RBM7: variants seen among roughly 807,000 people sequenced by gnomAD.
The protein encoded by RBM7 is RNA binding motif protein 7.
A neutral mutation model predicts 31.0 loss-of-function variants in RBM7; 13 were observed. The observed-to-expected ratio is 0.42, with a 90% CI of 0.27 to 0.67. RBM7 has a LOEUF of 0.67. Ranked by LOEUF, RBM7 falls within the 30% of genes least tolerant of loss-of-function variation. The pLI is 0.24. For synonymous variants in RBM7, 106 were observed against 111.2 expected, an observed-to-expected ratio of 0.95 and a Z score of 0.30; for missense variants, 245 against 326.2, an observed-to-expected ratio of 0.75 and a Z score of 1.92.
chr11:114,406,003 CATTTT>C, intron 4 of RBM7: 1 of 477,256 alleles, frequency 2.1e-6, no homozygotes, highest in South Asian at 3.0e-5. Context: ...ATTGAGCACT[CATTTT>C]AGTTTTCACT....
intron 1 of RBM7, 64 bp from the exon 2 acceptor site, chr11:114,401,634 T>C (rs1946203101): frequency 7.9e-7 from 1 of 1,262,542 alleles, no homozygotes; most frequent in Non-Finnish European, 1.1e-6. Flanking sequence ...ATATCTTATT[T>C]GTAAAATTTG....
intron 4 of RBM7, chr11:114,407,164 C>G (rs1164485858): frequency 1.1e-5 from 3 of 276,886 alleles, no homozygotes; most frequent in Non-Finnish European, 2.0e-5. Flanking sequence ...CCTAATGATA[C>G]TGATCTCCTG....
chr11:114,406,032 T>C, intron 4 of RBM7: 1 of 428,676 alleles, frequency 2.3e-6, no homozygotes, highest in Non-Finnish European at 4.1e-6. Context: ...CTGAAATATA[T>C]ACTTAAAAGA....
Position 114,407,394 on chromosome 11 carries a change from T to C in RBM7, c.442-51T>C, listed in dbSNP as rs780409719. On this transcript the variant is annotated intron_variant, in intron 4 of 4. Coordinates refer to ENST00000375490, the MANE Select transcript of RBM7 (RefSeq NM_001286045.2). ...TTTCTGTTAACTGACCAAATACATA[T>C]TAGCTTTGATATCTAGAAGTATTAA... 10 of 1,541,094 alleles carry C rather than the reference T, an allele frequency of 6.5e-6. No individual in the cohort carries two copies. In the East Asian group the frequency reaches 1.6e-4, roughly 24 times the overall value.
chr11:114,405,962 C>A, intron 4 of RBM7, 163 bp downstream of exon 4: 1 of 523,474 alleles, frequency 1.9e-6, no homozygotes, highest in Non-Finnish European at 3.3e-6. Flanking sequence ...AACTTTTTCT[C>A]AAATTTTTGT....
In RBM7 at chr11:114,410,222, G is replaced by C. The variant is rs1946319289; in HGVS notation, c.*2415G>C. On this transcript the variant is annotated 3_prime_UTR_variant, in exon 5 of 5. Transcript: ENST00000375490. ...CTGTGGAATGCTAGTGTCTCATAAA[G>C]TCTTCTAAAAAAAAGAAAAAAAAAA... is the stretch of plus-strand genomic sequence containing the variant. The C allele has an allele frequency of 7.0e-6, 1 of 142,868 alleles. No individual in the cohort carries two copies. The highest frequency in any genetic ancestry group is 2.5e-5 in the African/African-American group (1 of 39,278). 8.9% of individuals were successfully genotyped at this position (142,868 alleles called of 1,614,324 possible).
In RBM7 at chr11:114,402,706, G is replaced by A. The variant is rs575399104; in HGVS notation, c.260-122G>A. ...AGGCGTCAGCCACCGCGCCCGGCCAGTAGTTTGAGATTTTTCTCTTTTAGA... is the reference window on the plus strand; with the variant it reads ...AGGCGTCAGCCACCGCGCCCGGCCAATAGTTTGAGATTTTTCTCTTTTAGA... On this transcript the variant is annotated intron_variant, in intron 2 of 4. Transcript: ENST00000375490. The A allele has an allele frequency of 4.0e-5, 34 of 848,108 alleles. No homozygotes were observed. The East Asian group carries it at 8.2e-4, about 21-fold the overall frequency. The allele number at this position is 848,108 out of a possible 1,614,324, so 52.5% of individuals were successfully genotyped here.
At chr11:114,402,749 G>T in intron 2 of RBM7, 79 bp from the exon 3 acceptor site, 2 of 1,201,306 alleles carry the variant, frequency 1.7e-6, no homozygotes, top group South Asian at 2.5e-5. Context: ...TACCTTTTTG[G>T]AGTGATTTCA....
chr11:114,409,674 C>T lies in RBM7; in HGVS notation c.*1867C>T, dbSNP rs1167339767. 2 of 152,152 alleles carry T rather than the reference C, an allele frequency of 1.3e-5. No individual in the cohort carries two copies. The highest frequency in any genetic ancestry group is 1.5e-5 in the Non-Finnish European group (1 of 68,048). The allele number at this position is 152,152 out of a possible 1,614,324, so 9.4% of individuals were successfully genotyped here. A position where few individuals can be genotyped will look rare whatever the true frequency, so the allele number is the denominator to read the frequency against. ...GTGAGCCACCGCGCCTGGCCTAATA[C>T]TGCTTTATTACAACGTTATCTGTGG... is the stretch of plus-strand genomic sequence containing the variant. On this transcript the variant is annotated 3_prime_UTR_variant, in exon 5 of 5. Transcript: ENST00000375490.
chr11:114,401,917 T>C, intron 2 of RBM7, 57 bp downstream of exon 2: 1 of 1,488,840 alleles, frequency 6.7e-7, no homozygotes, highest in East Asian at 2.5e-5. Context: ...AAATTTATTA[T>C]TCAGTTTTAA....
intron 2 of RBM7, 25 bp from the exon 3 acceptor site, chr11:114,402,803 A>G: frequency 6.4e-7 from 1 of 1,560,708 alleles, no homozygotes; most frequent in Non-Finnish European, 8.8e-7. Context: ...TATCAAGAAT[A>G]ATTTTTCAAA....
chr11:114,405,860 C>T lies in RBM7; in HGVS notation c.441+61C>T, dbSNP rs113425778. 4.2e-3 allele frequency: 5,039 copies of T among 1,187,446 alleles called. 139 individuals are homozygous for T. In the African/African-American group the frequency reaches 0.066, roughly 16 times the overall value. 73.6% of individuals were successfully genotyped at this position (1,187,446 alleles called of 1,614,324 possible). A position where few individuals can be genotyped will look rare whatever the true frequency, so the allele number is the denominator to read the frequency against. On this transcript the variant is annotated intron_variant, in intron 4 of 4. Coordinates refer to ENST00000375490, the MANE Select transcript of RBM7 (RefSeq NM_001286045.2). Reference sequence around the variant, plus strand: ...AAAAATCATCCTTAGTTAAAATGTTCGCATTGTATCAAATAACTGGTTTTT... The same window carrying T: ...AAAAATCATCCTTAGTTAAAATGTTTGCATTGTATCAAATAACTGGTTTTT...
intron 4 of RBM7, 32 bp downstream of exon 4, chr11:114,405,831 A>C: frequency 8.2e-7 from 1 of 1,223,852 alleles, no homozygotes; most frequent in Non-Finnish European, 1.1e-6. Context: ...TTGAATTGCC[A>C]AAAAAAAATC....
intron 1 of RBM7, among the ~76,000 whole-genome samples, 187 bp from the exon 2 acceptor site, chr11:114,401,511 A>G (rs138206259): frequency 7.5e-4 from 114 of 152,352 alleles, no homozygotes; most frequent in African/African-American, 2.7e-3. Flanking sequence ...CCTTCCCCAA[A>G]TAAATCTAAT....
At chr11:114,405,048 A>G (rs1310732881) in intron 3 of RBM7, among the ~76,000 whole-genome samples, 1 of 152,156 alleles carries the variant, frequency 6.6e-6, no homozygotes, top group Non-Finnish European at 1.5e-5. Flanking sequence ...CTCGGGAAAT[A>G]TCTACCTAAT....
At chr11:114,407,299 A>C in intron 4 of RBM7, 146 bp from the exon 5 acceptor site, 1 of 719,334 alleles carries the variant, frequency 1.4e-6, no homozygotes, top group East Asian at 2.6e-5. Flanking sequence ...TATACATTGG[A>C]ATGATTGAAG....
At chr11:114,404,119 G>A (rs971766237) in intron 3 of RBM7, among the ~76,000 whole-genome samples, 2 of 152,152 alleles carry the variant, frequency 1.3e-5, no homozygotes, top group Non-Finnish European at 2.9e-5. Context: ...GAGTAGGAAG[G>A]CAGTGAAATG....
rs776697572 is a variant in RBM7, at chr11:114,405,738, C to T, written c.380C>T (p.Ser127Leu). The T allele has an allele frequency of 2.5e-6, 4 of 1,607,972 alleles. No homozygotes were observed. Among genetic ancestry groups the T allele is most frequent in the Non-Finnish European group, 3.4e-6 (4 of 1,177,296 alleles). ...RYERTMDNMT[S>L]SAQIIQRSFS... ...GAAAGGACTATGGATAACATGACTTCATCAGCACAGATAATTCAGAGATCT... is the reference window on the plus strand; with the variant it reads ...GAAAGGACTATGGATAACATGACTTTATCAGCACAGATAATTCAGAGATCT... The change falls in exon 4 of 5, where the codon TCA becomes TTA. Residue 127 changes from serine to leucine, a missense_variant. By Grantham distance (145) the Ser-to-Leu change is moderately radical. Transcript: ENST00000375490.
chr11:114,407,816 A>G lies in RBM7; in HGVS notation c.*9A>G, dbSNP rs771742271. 7 of 1,588,038 alleles carry G rather than the reference A, an allele frequency of 4.4e-6. No individual in the cohort carries two copies. Among genetic ancestry groups the G allele is most frequent in the Non-Finnish European group, 5.1e-6 (6 of 1,169,876 alleles). ...GCTCATCTCGACACTAACACATGTT[A>G]AAAGGACATTGTTTTTATAGGGTCA... On this transcript the variant is annotated 3_prime_UTR_variant, in exon 5 of 5. Transcript: ENST00000375490.
Sources: allele counts gnomAD v4.1 joint callset (sites outside exome capture counted in the v4.1 genomes callset), GRCh38; gene constraint gnomAD v4.1.1; transcripts MANE v1.5; gene names NCBI Gene and HGNC (gene_info 2026-07-23, HGNC 2026-07-21).